Variants in RNF13 observed in about 807,000 individuals in gnomAD.
RNF13 encodes ring finger protein 13, also known as E3 ubiquitin-protein ligase RNF13.
A neutral mutation model predicts 37.7 loss-of-function variants in RNF13; 19 were observed. The observed-to-expected ratio is 0.50, with a 90% CI of 0.35 to 0.74. The LOEUF (loss-of-function observed/expected upper bound fraction) is 0.74. Ranked by LOEUF, RNF13 falls within the 30% of genes least tolerant of loss-of-function variation. The pLI is 0.01. For synonymous variants in RNF13, 144 were observed against 157.8 expected, an observed-to-expected ratio of 0.91 and a Z score of 0.65; for missense variants, 375 against 453.0, an observed-to-expected ratio of 0.83 and a Z score of 1.56.
At chr3:149,822,345 CTT>C (rs1167910957) in intron 1 of RNF13, among the ~76,000 whole-genome samples, 1 of 151,978 alleles carries the variant, frequency 6.6e-6, no homozygotes, top group East Asian at 1.9e-4. Flanking sequence ...CTCTCACCTC[CTT>C]TGTTATATTT....
At chr3:149,910,376 A>G (rs1377119470) in intron 6 of RNF13, among the ~76,000 whole-genome samples, 2 of 152,192 alleles carry the variant, frequency 1.3e-5, no homozygotes, top group Non-Finnish European at 2.9e-5. Flanking sequence ...TCTGCTGGAA[A>G]GTGAAGTAAA....
intron 8 of RNF13, among the ~76,000 whole-genome samples, chr3:149,934,152 C>T (rs1215348059): frequency 6.6e-6 from 1 of 152,026 alleles, no homozygotes; most frequent in East Asian, 1.9e-4. Context: ...TCTAGGTTAT[C>T]TAATTTGTTG....
At chr3:149,937,174 G>A (rs1007938433) in intron 8 of RNF13, among the ~76,000 whole-genome samples, 2 of 152,076 alleles carry the variant, frequency 1.3e-5, no homozygotes, top group African/African-American at 4.8e-5. Context: ...CTACTTCCAC[G>A]TTTGTCCATA....
intron 8 of RNF13, among the ~76,000 whole-genome samples, chr3:149,934,657 C>CTTTTTTTTTTTTTTTTTTTTTTTTT (rs765637115): frequency 7.0e-6 from 1 of 143,408 alleles, no homozygotes; most frequent in African/African-American, 2.5e-5. Context: ...TTCAAAGTTC[C>CTTTTTTTTTTTTTTTTTTTTTTTTT]TTTTTTTTTT....
At chr3:149,853,452 GAGGGA>G (rs1723303087) in intron 3 of RNF13, among the ~76,000 whole-genome samples, 1 of 104,208 alleles carries the variant, frequency 9.6e-6, no homozygotes, top group Non-Finnish European at 2.0e-5. Flanking sequence ...GAGAGAGAGA[GAGGGA>G]GAGAGAGAGA....
At chr3:149,833,118 CT>C (rs34729566) in intron 1 of RNF13, among the ~76,000 whole-genome samples, 14 of 111,870 alleles carry the variant, frequency 1.3e-4, no homozygotes, top group South Asian at 3.0e-4. Flanking sequence ...CTCTCTCTCT[CT>C]TTTTTTTTTT....
At chr3:149,879,495 A>AG (rs1298402942) in intron 4 of RNF13, among the ~76,000 whole-genome samples, 1 of 151,682 alleles carries the variant, frequency 6.6e-6, no homozygotes, top group East Asian at 1.9e-4. Flanking sequence ...TTTTGTTGAG[A>AG]GGGGGTCTTG....
chr3:149,850,378 T>A (rs1723022678), intron 2 of RNF13, among the ~76,000 whole-genome samples: 1 of 152,226 alleles, frequency 6.6e-6, no homozygotes, highest in South Asian at 2.1e-4. Flanking sequence ...TTGTTAGTCT[T>A]GTTCACTGTA....
intron 8 of RNF13, among the ~76,000 whole-genome samples, chr3:149,954,007 A>G (rs1326256114): frequency 6.6e-6 from 1 of 152,220 alleles, no homozygotes; most frequent in East Asian, 1.9e-4. Flanking sequence ...GACTGCCAAA[A>G]TCGTGAAGCA....
At position 149,824,961 on chromosome 3, in the gene RNF13, A is replaced by AT. The variant is rs113884325; in HGVS notation, c.-17+11624dup. The stretch of plus-strand genomic sequence containing the variant: ...TAGTACCTGTTAGTTATTTTTCCTG[A>AT]TTTTTTTTTTTTTTTTAAGATACAA... On this transcript the variant is annotated intron_variant, in intron 1 of 9. Coordinates refer to ENST00000392894, the MANE Select transcript of RNF13 (RefSeq NM_183381.3). Among the ~76,000 whole-genome samples the AT allele has an allele frequency of 7.4e-3, 1,020 of 137,982 alleles. 6 individuals are homozygous for AT. Among genetic ancestry groups the AT allele is most frequent in the Middle Eastern group, 0.012 (3 of 260 alleles). 90.5% of individuals were successfully genotyped at this position (137,982 alleles called of 152,430 possible).
intron 7 of RNF13, among the ~76,000 whole-genome samples, chr3:149,915,540 T>C (rs921442942): frequency 6.6e-6 from 1 of 152,200 alleles, no homozygotes; most frequent in Non-Finnish European, 1.5e-5. Flanking sequence ...CGAATAGATA[T>C]TTGTACACCA....
At chr3:149,844,858 C>T (rs993692600) in intron 1 of RNF13, among the ~76,000 whole-genome samples, 4 of 152,070 alleles carry the variant, frequency 2.6e-5, no homozygotes, top group African/African-American at 9.7e-5. Flanking sequence ...AGTTGTGCAA[C>T]CATCACCAGA....
intron 4 of RNF13, among the ~76,000 whole-genome samples, chr3:149,885,055 G>A (rs1713865553): frequency 6.6e-6 from 1 of 152,044 alleles, no homozygotes; most frequent in Non-Finnish European, 1.5e-5. Flanking sequence ...CAAATGACAG[G>A]ATCTCATTTT....
chr3:149,842,541 A>T (rs1417689400), intron 1 of RNF13, among the ~76,000 whole-genome samples: 5 of 152,238 alleles, frequency 3.3e-5, no homozygotes, highest in African/African-American at 9.6e-5. Flanking sequence ...CAGTGCTGGG[A>T]TATAAACCCA....
intron 6 of RNF13, among the ~76,000 whole-genome samples, chr3:149,903,068 TA>T (rs1011477481): frequency 1.3e-5 from 2 of 152,114 alleles, no homozygotes; most frequent in Admixed American, 1.3e-4. Flanking sequence ...TGAAAATGCA[TA>T]AAAAGAAGAG....
chr3:149,905,927 T>C (rs908217666), intron 6 of RNF13, among the ~76,000 whole-genome samples: 1 of 152,186 alleles, frequency 6.6e-6, no homozygotes, highest in Non-Finnish European at 1.5e-5. Context: ...CATTCTAATT[T>C]TAGAACTTTT....
At chr3:149,949,492 A>G (rs993364578) in intron 8 of RNF13, among the ~76,000 whole-genome samples, 7 of 149,506 alleles carry the variant, frequency 4.7e-5, no homozygotes, top group South Asian at 4.2e-4. Context: ...TAATATGATT[A>G]TATGTCTCAG....
chr3:149,845,680 A>G (rs1334698947), intron 1 of RNF13: 1 of 169,252 alleles, frequency 5.9e-6, no homozygotes. Flanking sequence ...GTTTTTAACC[A>G]TTATTTTGGT....
intron 8 of RNF13, among the ~76,000 whole-genome samples, chr3:149,947,625 C>T (rs1287316515): frequency 6.6e-6 from 1 of 152,034 alleles, no homozygotes; most frequent in Non-Finnish European, 1.5e-5. Flanking sequence ...AGACTGGTCT[C>T]CTGACCTCTG....
Sources: gnomAD v4.1 joint callset for allele counts (sites outside exome capture counted in the v4.1 genomes callset) on GRCh38, gnomAD v4.1.1 for gene constraint, MANE v1.5 for transcripts, NCBI Gene and HGNC (gene_info 2026-07-23, HGNC 2026-07-21) for gene names.